The following CTNNA3 variants were observed in gnomAD, a reference collection of about 807,000 sequenced individuals.
CTNNA3 encodes the protein catenin alpha-3.
In CTNNA3, 76 loss-of-function variants were observed where a neutral mutation model predicts 95.7. The ratio of observed to expected loss-of-function variants is 0.79; its 90% confidence interval spans 0.66 to 0.96. CTNNA3 has a LOEUF of 0.96. Ranked by LOEUF, CTNNA3 falls within the 40% of genes least tolerant of loss-of-function variation. The pLI is 0.00. For missense variants in CTNNA3, 1,191 were observed against 1,089.8 expected, an observed-to-expected ratio of 1.09 and a Z score of -1.31; for synonymous variants, 431 against 374.4, an observed-to-expected ratio of 1.15 and a Z score of -1.74.
chr10:66,840,404 ACACACACC>A, intron 7 of CTNNA3, among the ~76,000 whole-genome samples: 1 of 137,720 alleles, frequency 7.3e-6, no homozygotes, highest in Non-Finnish European at 1.6e-5. Flanking sequence ...ACACACACAC[ACACACACC>A]CCTCGGTATA....
intron 10 of CTNNA3, among the ~76,000 whole-genome samples, chr10:66,534,321 C>T (rs1247790969): frequency 6.6e-6 from 1 of 151,966 alleles, no homozygotes; most frequent in Non-Finnish European, 1.5e-5. Flanking sequence ...AAGAAAAGCT[C>T]TATAATCTAT....
At chr10:66,845,706 A>AAAAATAAATAAATAAATAAAT (rs1554862138) in intron 7 of CTNNA3, among the ~76,000 whole-genome samples, 1 of 91,856 alleles carries the variant, frequency 1.1e-5, no homozygotes, top group African/African-American at 6.6e-5. Context: ...TCTGTCTCAA[A>AAAAATAAATAAATAAATAAAT]AAAAAAAAAA....
intron 15 of CTNNA3, among the ~76,000 whole-genome samples, chr10:66,000,236 A>G (rs7909965): frequency 0.27 from 40,817 of 152,046 alleles, 5,988 homozygotes; most frequent in Non-Finnish European, 0.33. Context: ...CCTGCCAGTC[A>G]TTTCTGACAC....
intron 16 of CTNNA3, among the ~76,000 whole-genome samples, chr10:65,972,872 A>G (rs1388126444): frequency 6.7e-6 from 1 of 149,548 alleles, no homozygotes; most frequent in Non-Finnish European, 1.5e-5. Flanking sequence ...GAAACCAAGA[A>G]ATATCTTGAA....
intron 3 of CTNNA3, among the ~76,000 whole-genome samples, chr10:67,554,994 C>A (rs1005444109): frequency 1.3e-5 from 2 of 152,078 alleles, no homozygotes; most frequent in African/African-American, 4.8e-5. Context: ...TTTCCCAGCA[C>A]CATTTATTGA....
chr10:66,225,323 C>T (rs914009084), intron 13 of CTNNA3, among the ~76,000 whole-genome samples: 1 of 149,150 alleles, frequency 6.7e-6, no homozygotes, highest in Admixed American at 6.7e-5. Flanking sequence ...ACTTATTTTG[C>T]ATAACATAAT....
In CTNNA3 at chr10:67,458,017, G is replaced by T. The variant is rs1847235637; in HGVS notation, c.579+63825C>A. 2.0e-5 allele frequency among the ~76,000 whole-genome samples: 3 copies of T among 152,018 alleles called. No homozygotes were observed. The South Asian group carries it at 6.2e-4, about 32-fold the overall frequency. On this transcript the variant is annotated intron_variant, in intron 5 of 17. Transcript: ENST00000433211. ...AGAGCATAGAAATCTTGGGGGTTGG[G>T]GGGTCTATTATTATGCTACCACATC... is the stretch of plus-strand genomic sequence containing the variant.
intron 5 of CTNNA3, among the ~76,000 whole-genome samples, chr10:67,245,175 A>G: frequency 6.6e-6 from 1 of 152,054 alleles, no homozygotes; most frequent in East Asian, 1.9e-4. Context: ...ACATCCCTAC[A>G]TTAGGCCTTC....
chr10:66,379,413 T>C, intron 11 of CTNNA3, 61 bp from the exon 12 acceptor site: 1 of 1,311,222 alleles, frequency 7.6e-7, no homozygotes, highest in East Asian at 2.3e-5. Context: ...CATACAAATC[T>C]AGCATATTAT....
chr10:66,292,011 T>A (rs564762363), intron 12 of CTNNA3, among the ~76,000 whole-genome samples: 2 of 151,704 alleles, frequency 1.3e-5, no homozygotes, highest in South Asian at 4.2e-4. Context: ...CACATACAGA[T>A]ATATATACAC....
chr10:67,331,841 T>C (rs1841806848), intron 5 of CTNNA3, among the ~76,000 whole-genome samples: 1 of 152,054 alleles, frequency 6.6e-6, no homozygotes, highest in East Asian at 1.9e-4. Context: ...CTAAGGAAAA[T>C]TTCAAACATA....
At chr10:66,908,605 G>A (rs773085109) in intron 7 of CTNNA3, among the ~76,000 whole-genome samples, 6 of 151,996 alleles carry the variant, frequency 3.9e-5, no homozygotes, top group East Asian at 2.0e-4. Flanking sequence ...CATCTCTATC[G>A]AGCATAAACT....
intron 14 of CTNNA3, among the ~76,000 whole-genome samples, chr10:66,071,563 C>G (rs2080434110): frequency 6.6e-6 from 1 of 152,000 alleles, no homozygotes; most frequent in Non-Finnish European, 1.5e-5. Flanking sequence ...TATCACTAAG[C>G]CAACAAACAC....
intron 3 of CTNNA3, among the ~76,000 whole-genome samples, chr10:67,596,674 GC>G (rs1332095085): frequency 2.6e-5 from 4 of 152,250 alleles, no homozygotes; most frequent in African/African-American, 9.6e-5. Context: ...TAGATGACCT[GC>G]CCCTTCTCTC....
chr10:67,610,082 A>ACAAAGAAT (rs1265106549), intron 2 of CTNNA3, among the ~76,000 whole-genome samples: 1 of 152,220 alleles, frequency 6.6e-6, no homozygotes, highest in African/African-American at 2.4e-5. Flanking sequence ...TTTGTTTAAA[A>ACAAAGAAT]CAAAGAATAA....
chr10:67,220,721 T>C (rs1297855937), intron 5 of CTNNA3, among the ~76,000 whole-genome samples: 1 of 152,108 alleles, frequency 6.6e-6, no homozygotes, highest in Non-Finnish European at 1.5e-5. Flanking sequence ...GGAAAGAGAA[T>C]GCCCTGTCTA....
intron 1 of CTNNA3, among the ~76,000 whole-genome samples, chr10:67,736,810 G>A (rs2133636908): frequency 6.6e-6 from 1 of 152,074 alleles, no homozygotes; most frequent in South Asian, 2.1e-4. Context: ...GACTTAAGAG[G>A]CCTGACATTT....
intron 5 of CTNNA3, among the ~76,000 whole-genome samples, chr10:67,455,245 T>A (rs1171124235): frequency 6.6e-6 from 1 of 152,142 alleles, no homozygotes; most frequent in Non-Finnish European, 1.5e-5. Flanking sequence ...GGGTAGTTTT[T>A]AAAATAGGCA....
chr10:66,072,404 T>G (rs2080457954), intron 14 of CTNNA3, among the ~76,000 whole-genome samples: 1 of 152,000 alleles, frequency 6.6e-6, no homozygotes, highest in Non-Finnish European at 1.5e-5. Context: ...TTGTAACTCC[T>G]GAAAGTGCTG....
Sources: gnomAD v4.1 joint callset for allele counts (sites outside exome capture counted in the v4.1 genomes callset) on GRCh38, gnomAD v4.1.1 for gene constraint, MANE v1.5 for transcripts, NCBI Gene and HGNC (gene_info 2026-07-23, HGNC 2026-07-21) for gene names.